Variants in STOML1 observed in about 807,000 individuals in gnomAD.
The protein encoded by STOML1 is stomatin like 1.
A neutral mutation model predicts 35.7 loss-of-function variants in STOML1; 27 were observed. That is an observed-to-expected ratio of 0.76 (90% confidence interval 0.56 to 1.04). STOML1 has a LOEUF of 1.04. STOML1 is among the 50% of genes least tolerant of loss of function. The pLI, the probability that STOML1 is intolerant of heterozygous loss-of-function variation, is 0.00. For missense variants in STOML1, 451 were observed against 527.1 expected, an observed-to-expected ratio of 0.86 and a Z score of 1.41; for synonymous variants, 219 against 227.9, an observed-to-expected ratio of 0.96 and a Z score of 0.35.
chr15:73,991,834 T>C, intron 1 of STOML1: 2 of 609,044 alleles, frequency 3.3e-6, no homozygotes, highest in South Asian at 3.8e-5. Context: ...CGAGGACAAA[T>C]GTGGTGAGGT....
Position 73,984,786 on chromosome 15 carries a change from C to T in STOML1, c.876G>A (p.Glu292=). ...ARSSPKQPLA[E]GLLTALQPFL... The stretch of plus-strand genomic sequence containing the variant: ...AGGGCTGTAGAGCAGTCAGTAGCCC[C>T]TCCGCCAGAGGCTGCTTCGGACTGG... The change falls in exon 6 of 7, where the codon GAG becomes GAA. Residue 292 remains glutamate (E), a synonymous_variant. Transcript: ENST00000541638. The T allele has an allele frequency of 6.2e-7, 1 of 1,614,154 alleles. No individual in the cohort carries two copies. The highest frequency in any genetic ancestry group is 8.5e-7 in the Non-Finnish European group (1 of 1,180,038).
chr15:73,990,537 C>A, intron 1 of STOML1, 80 bp from the exon 2 acceptor site: 1 of 1,304,186 alleles, frequency 7.7e-7, no homozygotes, highest in Non-Finnish European at 1.1e-6. Context: ...GTGTACCTTA[C>A]GCCCACCTTC....
At chr15:73,990,241 G>A in intron 2 of STOML1, 110 bp downstream of exon 2, 1 of 911,486 alleles carries the variant, frequency 1.1e-6, no homozygotes, top group South Asian at 1.6e-5. Context: ...ATTACACAAA[G>A]GGGTAATAAT....
Position 73,988,555 on chromosome 15 carries a change from G to T in STOML1, c.594+44C>A. 1.2e-6 allele frequency: 2 copies of T among 1,609,688 alleles called. No individual in the cohort carries two copies. ...AAAGTGACCTGGCAGGTGGAGCCAG[G>T]CCGGTGCCACCCCTCAAGCTCCGTC... On this transcript the variant is annotated intron_variant, in intron 4 of 6. Coordinates refer to ENST00000541638, the MANE Select transcript of STOML1 (RefSeq NM_004809.5). This position sits in a 1 kb window ranked among gnomAD's most constrained non-coding sequence, Gnocchi z 4.8.
Position 73,983,521 on chromosome 15 carries a change from C to G in STOML1, c.*416G>C, listed in dbSNP as rs2141660413. The stretch of plus-strand genomic sequence containing the variant: ...GAGCTGCCTTCCCTTCCCTCCCCAT[C>G]CCTCTCCAATCCCCGCAGAGCTTAG... On this transcript the variant is annotated 3_prime_UTR_variant, in exon 7 of 7. Coordinates refer to ENST00000541638, the MANE Select transcript of STOML1 (RefSeq NM_004809.5). 1 of 160,924 alleles carries G rather than the reference C, an allele frequency of 6.2e-6. No individual in the cohort carries two copies. The highest frequency in any genetic ancestry group is 1.8e-4 in the East Asian group (1 of 5,488). 10.0% of individuals were successfully genotyped at this position (160,924 alleles called of 1,614,324 possible).
At chr15:73,991,914 G>A in intron 1 of STOML1, 177 bp downstream of exon 1, 1 of 1,005,992 alleles carries the variant, frequency 9.9e-7, no homozygotes, top group Non-Finnish European at 1.4e-6. Flanking sequence ...AGGGAGGGCG[G>A]ATCGGCGCTA....
chr15:73,984,742 A>ACC lies in STOML1; in HGVS notation c.918_919dup (p.Val307GlyfsTer69), dbSNP rs2069034116. Reference sequence around the variant, plus strand: ...CTGGTAGCAGGCCCCGACTTGGCTGACCAGGGCCTCAGACAGGAAGGGCTG... The same window carrying ACC: ...CTGGTAGCAGGCCCCGACTTGGCTGACCCCAGGGCCTCAGACAGGAAGGGCTG... On this transcript the variant is annotated frameshift_variant, in exon 6 of 7. Coordinates refer to ENST00000541638, the MANE Select transcript of STOML1 (RefSeq NM_004809.5). LOFTEE classifies it high-confidence loss of function. The ACC allele has an allele frequency of 1.2e-6, 2 of 1,614,086 alleles. No homozygotes were observed. Among genetic ancestry groups the ACC allele is most frequent in the East Asian group, 4.5e-5 (2 of 44,880 alleles).
Position 73,988,984 on chromosome 15 carries a change from T to C in STOML1, c.390+124A>G, listed in dbSNP as rs1741679369. 1.4e-6 allele frequency: 2 copies of C among 1,469,986 alleles called. No individual in the cohort carries two copies. The highest frequency in any genetic ancestry group is 1.4e-5 in the South Asian group (1 of 72,718). The allele number at this position is 1,469,986 out of a possible 1,614,324, so 91.1% of individuals were successfully genotyped here. On this transcript the variant is annotated intron_variant, in intron 3 of 6. Coordinates refer to ENST00000541638, the MANE Select transcript of STOML1 (RefSeq NM_004809.5). The surrounding 1 kb of genome is among the most constrained non-coding windows in gnomAD (Gnocchi z 4.8). ...AGGATGTCCTCCTAGCTTCCATCAA[T>C]TTTCTGGTCTCTTCTTCCCCCTTCC...
At position 73,988,610 on chromosome 15, in the gene STOML1, C is replaced by G; in HGVS notation, c.583G>C (p.Asp195His). Residue 195 changes from aspartate (D) to histidine (H), a missense_variant, in exon 4 of 7, where the codon GAC becomes CAC. Asp to His is a moderately conservative substitution (Grantham distance 81). Coordinates refer to ENST00000541638, the MANE Select transcript of STOML1 (RefSeq NM_004809.5). This position sits in a 1 kb window ranked among gnomAD's most constrained non-coding sequence, Gnocchi z 4.8. Reference protein sequence around the residue: ...EIQMEKLKISDQLLLEINDVT... With the variant: ...EIQMEKLKISHQLLLEINDVT... ...GAGGGGCTGCCTACCAGAAGCTGGT[C>G]GCTGATCTTGAGCTTCTCCATCTGG... 6.2e-7 allele frequency: 1 copy of G among 1,614,182 alleles called. No homozygotes were observed. Among genetic ancestry groups the G allele is most frequent in the Non-Finnish European group, 8.5e-7 (1 of 1,180,036 alleles).
intron 4 of STOML1, chr15:73,986,347 T>C (rs1199180174): frequency 1.5e-5 from 2 of 135,886 alleles, no homozygotes; most frequent in Admixed American, 1.4e-4. Context: ...GGATGGCAAC[T>C]TTTTTTTTTT....
At chr15:73,987,802 C>T (rs1162580127) in intron 4 of STOML1, 1 of 152,238 alleles carries the variant, frequency 6.6e-6, no homozygotes, top group Non-Finnish European at 1.5e-5. Context: ...CTGCTAAGCA[C>T]GTAAGAGCTA....
Position 73,984,120 on chromosome 15 carries a change from T to C in STOML1, c.1014A>G (p.Arg338=). 6.2e-7 allele frequency: 1 copy of C among 1,612,148 alleles called. No individual in the cohort carries two copies. The highest frequency in any genetic ancestry group is 8.5e-7 in the Non-Finnish European group (1 of 1,178,632). ...TGCCATCAGGCACCCCGTGTCCCAC[T>C]CTTCCTCGTCCTGTGGGGCAAAAGA... ...YFLDLTTGRG[R]VGHGVPDGIP... Residue 338 remains arginine (R), a synonymous_variant, in exon 7 of 7, where the codon AGA becomes AGG. Coordinates refer to ENST00000541638, the MANE Select transcript of STOML1 (RefSeq NM_004809.5).
upstream of STOML1, among the ~76,000 whole-genome samples, chr15:73,992,662 T>C (rs982217334): frequency 3.9e-5 from 6 of 151,998 alleles, no homozygotes. Flanking sequence ...TTTTAAAAAT[T>C]AGCCTGGCGT....
intron 4 of STOML1, chr15:73,985,751 C>A (rs2069078029): frequency 2.0e-6 from 1 of 498,670 alleles, no homozygotes; most frequent in Non-Finnish European, 3.5e-6. Context: ...GGAGGGAGTC[C>A]TCAGGTGGAG....
At position 73,990,265 on chromosome 15, in the gene STOML1, G is replaced by A. The variant is rs2069228066; in HGVS notation, c.240+86C>T. The A allele has an allele frequency of 4.2e-6, 5 of 1,177,972 alleles. No homozygotes were observed. In the Admixed American group the frequency reaches 7.9e-5, roughly 19 times the overall value. The allele number at this position is 1,177,972 out of a possible 1,614,324, so 73.0% of individuals were successfully genotyped here. A position where few individuals can be genotyped will look rare whatever the true frequency, so the allele number is the denominator to read the frequency against. ...AGGGGTAATAATATTTAGGGAAAGG[G>A]GACAGAGGATAGGCAAATTTATTCA... On this transcript the variant is annotated intron_variant, in intron 2 of 6. Coordinates refer to ENST00000541638, the MANE Select transcript of STOML1 (RefSeq NM_004809.5).
chr15:73,979,915 C>CAAAAAAAAAAAA lies in STOML1; in HGVS notation c.*4010_*4021dup. On this transcript the variant is annotated 3_prime_UTR_variant, in exon 7 of 7. Coordinates refer to ENST00000541638, the MANE Select transcript of STOML1 (RefSeq NM_004809.5). ...CCAGCTTGAGAAGGCCCTGTCTCTA[C>CAAAAAAAAAAAA]AAAAAAAAAAAAAAAAAAAAAGCCA... 1 of 64,034 alleles carries CAAAAAAAAAAAA rather than the reference C, an allele frequency of 1.6e-5. No homozygotes were observed. The highest frequency in any genetic ancestry group is 3.1e-5 in the Non-Finnish European group (1 of 31,964). 4.0% of individuals were successfully genotyped at this position (64,034 alleles called of 1,614,324 possible).
chr15:73,985,261 G>A (rs897527988), intron 5 of STOML1, 57 bp downstream of exon 5: 8 of 1,483,274 alleles, frequency 5.4e-6, no homozygotes, highest in Middle Eastern at 2.5e-4. Context: ...AGTGAGCAAA[G>A]TCTGTGCTGG....
rs115205040 is a variant in STOML1, at chr15:73,988,363, G to A, written c.594+236C>T. 38 of 542,770 alleles carry A rather than the reference G, an allele frequency of 7.0e-5. No homozygotes were observed. In the East Asian group the frequency reaches 9.5e-4, roughly 14 times the overall value. The allele number at this position is 542,770 out of a possible 1,614,324, so 33.6% of individuals were successfully genotyped here. On this transcript the variant is annotated intron_variant, in intron 4 of 6. Coordinates refer to ENST00000541638, the MANE Select transcript of STOML1 (RefSeq NM_004809.5). This position sits in a 1 kb window ranked among gnomAD's most constrained non-coding sequence, Gnocchi z 4.8. ...GGGGCAGACCCCAAGAATGTCTGCC[G>A]GGGCCACTTCCTCTTCTCAGGGACA...
chr15:73,992,885 G>A (rs2069330453), upstream of STOML1, among the ~76,000 whole-genome samples: 1 of 152,190 alleles, frequency 6.6e-6, no homozygotes, highest in Non-Finnish European at 1.5e-5. Context: ...CTCTCACACT[G>A]GAGGCAGGAC....
Sources: gnomAD v4.1 joint callset for allele counts (sites outside exome capture counted in the v4.1 genomes callset) on GRCh38, gnomAD v4.1.1 for gene constraint, Gnocchi (gnomAD v3.1) non-coding constraint, MANE v1.5 for transcripts, NCBI Gene and HGNC (gene_info 2026-07-23, HGNC 2026-07-21) for gene names.